Variants in PTPRN2 observed in about 807,000 individuals in gnomAD.
PTPRN2 encodes receptor-type tyrosine-protein phosphatase N2.
In PTPRN2, 74 loss-of-function variants were observed where a neutral mutation model predicts 118.8. The observed-to-expected ratio is 0.62, with a 90% confidence interval of 0.52 to 0.76. The LOEUF (loss-of-function observed/expected upper bound fraction) is 0.76. Ranked by LOEUF, PTPRN2 falls within the 30% of genes least tolerant of loss-of-function variation. The pLI is 0.00. For synonymous variants in PTPRN2, 641 were observed against 608.0 expected, an observed-to-expected ratio of 1.05 and a Z score of -0.80; for missense variants, 1,481 against 1,394.4, an observed-to-expected ratio of 1.06 and a Z score of -0.99.
intron 2 of PTPRN2, among the ~76,000 whole-genome samples, chr7:158,460,741 G>T (rs1251199353): frequency 6.6e-6 from 1 of 150,664 alleles, no homozygotes; most frequent in Non-Finnish European, 1.5e-5. Context: ...GTCAAGCCAT[G>T]GCCCCAGCTC....
At chr7:158,567,329 C>G (rs1341836627) in intron 1 of PTPRN2, among the ~76,000 whole-genome samples, 1 of 152,204 alleles carries the variant, frequency 6.6e-6, no homozygotes, top group African/African-American at 2.4e-5. Context: ...GAGAACTGGC[C>G]ATTCTGTCAC....
chr7:158,377,671 C>T (rs1196117159), intron 2 of PTPRN2, among the ~76,000 whole-genome samples: 1 of 152,174 alleles, frequency 6.6e-6, no homozygotes, highest in Non-Finnish European at 1.5e-5. Context: ...CACAGGAAAC[C>T]GGCATCGGTG....
chr7:158,581,329 G>A (rs1747341914), intron 1 of PTPRN2, among the ~76,000 whole-genome samples: 1 of 152,154 alleles, frequency 6.6e-6, no homozygotes, highest in Admixed American at 6.5e-5. Flanking sequence ...GGGAATACAT[G>A]TCAGTGAACA....
intron 3 of PTPRN2, among the ~76,000 whole-genome samples, chr7:158,309,263 T>C (rs972542579): frequency 2.0e-5 from 3 of 152,292 alleles, no homozygotes; most frequent in African/African-American, 7.2e-5. Context: ...CCACCCTCAG[T>C]CTGGGTGGGC....
intron 1 of PTPRN2, among the ~76,000 whole-genome samples, chr7:158,533,566 C>A (rs562001032): frequency 1.3e-5 from 2 of 152,172 alleles, no homozygotes; most frequent in East Asian, 1.9e-4. Flanking sequence ...CTGCAACACA[C>A]GAGGAGTCCC....
intron 2 of PTPRN2, among the ~76,000 whole-genome samples, chr7:158,324,015 GCAGA>G (rs572443861): frequency 1.3e-4 from 17 of 132,648 alleles, no homozygotes; most frequent in African/African-American, 4.9e-4. Flanking sequence ...ACTTGATTAT[GCAGA>G]CACACACACA....
intron 12 of PTPRN2, among the ~76,000 whole-genome samples, chr7:157,743,579 T>A (rs1250820848): frequency 1.3e-5 from 2 of 151,788 alleles, no homozygotes; most frequent in African/African-American, 4.8e-5. Flanking sequence ...ATGGCTGGGA[T>A]AGCTATCTCC....
At chr7:158,092,122 G>A (rs1345700142) in intron 10 of PTPRN2, among the ~76,000 whole-genome samples, 1 of 151,360 alleles carries the variant, frequency 6.6e-6, no homozygotes, top group African/African-American at 2.4e-5. Context: ...GTAGAGAGAT[G>A]GTTGGGTGAG....
intron 4 of PTPRN2, among the ~76,000 whole-genome samples, chr7:158,196,701 C>A (rs1826240959): frequency 6.6e-6 from 1 of 152,194 alleles, no homozygotes; most frequent in Non-Finnish European, 1.5e-5. Flanking sequence ...TAGTGAGGAT[C>A]TTGGGGGACT....
intron 12 of PTPRN2, among the ~76,000 whole-genome samples, chr7:157,859,948 C>CAG (rs1396697967): frequency 6.9e-6 from 1 of 144,588 alleles, no homozygotes; most frequent in Non-Finnish European, 1.5e-5. Flanking sequence ...GGGAGAGCCC[C>CAG]CCAGCCACTG....
intron 3 of PTPRN2, among the ~76,000 whole-genome samples, chr7:158,257,081 G>A (rs1479276231): frequency 6.6e-6 from 1 of 152,118 alleles, no homozygotes; most frequent in Admixed American, 6.6e-5. Context: ...GCTTTCCCTG[G>A]GATCTGGGTT....
chr7:158,330,036 A>G (rs1444293154), intron 2 of PTPRN2, among the ~76,000 whole-genome samples: 50 of 142,174 alleles, frequency 3.5e-4, no homozygotes, highest in Middle Eastern at 3.8e-3. Flanking sequence ...AAGAGGTGAC[A>G]TCTGCAGACG....
At chr7:158,512,127 G>T (rs1367844110) in intron 1 of PTPRN2, among the ~76,000 whole-genome samples, 1 of 152,234 alleles carries the variant, frequency 6.6e-6, no homozygotes, top group African/African-American at 2.4e-5. Context: ...CATCACAGAT[G>T]TGTGAAGCCA....
Position 157,911,331 on chromosome 7 carries a change from T to C in PTPRN2, c.1724-12594A>G, listed in dbSNP as rs142858973. On this transcript the variant is annotated intron_variant, in intron 11 of 22. Coordinates refer to ENST00000389418, the MANE Select transcript of PTPRN2 (RefSeq NM_002847.5). ...CGATGCAAAGACGCTCATTTCTACCTGAACAGCCAGGGTCCCATCCTGCTT... is the reference window on the plus strand; with the variant it reads ...CGATGCAAAGACGCTCATTTCTACCCGAACAGCCAGGGTCCCATCCTGCTT... Among the ~76,000 whole-genome samples the C allele has an allele frequency of 5.2e-3, 799 of 152,282 alleles. 5 individuals are homozygous for C. The highest frequency in any genetic ancestry group is 0.02 in the Middle Eastern group (6 of 294).
At chr7:157,710,525 G>A (rs1277257247) in intron 12 of PTPRN2, among the ~76,000 whole-genome samples, 2 of 143,756 alleles carry the variant, frequency 1.4e-5, no homozygotes, top group African/African-American at 5.2e-5. Context: ...AGGGCAGAGA[G>A]TGACATGGCT....
chr7:158,235,301 T>C (rs1030991499), intron 3 of PTPRN2, among the ~76,000 whole-genome samples: 1 of 152,212 alleles, frequency 6.6e-6, no homozygotes, highest in Admixed American at 6.5e-5. Context: ...TGCCTGTGTT[T>C]ATTGCAGGAC....
chr7:157,915,863 A>G (rs1798366277), intron 11 of PTPRN2, among the ~76,000 whole-genome samples: 1 of 152,140 alleles, frequency 6.6e-6, no homozygotes, highest in South Asian at 2.1e-4. Flanking sequence ...TGTTTTTGGA[A>G]TGAGGGTGAG....
chr7:158,360,819 T>A (rs112763292), intron 2 of PTPRN2, among the ~76,000 whole-genome samples: 4 of 19,096 alleles, frequency 2.1e-4, no homozygotes, highest in Non-Finnish European at 2.7e-4. Context: ...ACATCCACCC[T>A]CACCCAGGAT....
At chr7:158,148,474 A>G (rs376126256) in intron 6 of PTPRN2, among the ~76,000 whole-genome samples, 89 of 74,266 alleles carry the variant, frequency 1.2e-3, no homozygotes, top group South Asian at 4.2e-3. Context: ...TTCCCCCTCA[A>G]TGACACCCCA....
Sources: gnomAD v4.1 joint callset for allele counts (sites outside exome capture counted in the v4.1 genomes callset) on GRCh38, gnomAD v4.1.1 for gene constraint, MANE v1.5 for transcripts, NCBI Gene and HGNC (gene_info 2026-07-23, HGNC 2026-07-21) for gene names.